Variants in EPHA3 observed in about 807,000 individuals in gnomAD.
EPHA3 encodes the protein ephrin type-A receptor 3.
Under a neutral mutation model 107.1 loss-of-function variants are expected in EPHA3, and 42 were observed. That is an observed-to-expected ratio of 0.39 (90% CI 0.31 to 0.51). The LOEUF (loss-of-function observed/expected upper bound fraction) is 0.51, where lower values mean the gene tolerates loss of function less well. Ranked by LOEUF, EPHA3 falls within the 20% of genes least tolerant of loss-of-function variation. The pLI is 0.78. For missense variants in EPHA3, 1,183 were observed against 1,211.2 expected, an observed-to-expected ratio of 0.98 and a Z score of 0.35; for synonymous variants, 461 against 424.8, an observed-to-expected ratio of 1.09 and a Z score of -1.05.
At chr3:89,115,171 C>G (rs1274387302) in intron 1 of EPHA3, among the ~76,000 whole-genome samples, 2 of 152,244 alleles carry the variant, frequency 1.3e-5, no homozygotes, top group African/African-American at 2.4e-5. Context: ...TGATTTCTAA[C>G]CCTATCCCTT....
At chr3:89,291,538 TA>T (rs1706206061) in intron 3 of EPHA3, among the ~76,000 whole-genome samples, 1 of 152,148 alleles carries the variant, frequency 6.6e-6, no homozygotes, top group Non-Finnish European at 1.5e-5. Context: ...AAACCTTCCA[TA>T]ATCATAAAAA....
At chr3:89,186,493 C>T (rs1437098863) in intron 2 of EPHA3, among the ~76,000 whole-genome samples, 9 of 152,126 alleles carry the variant, frequency 5.9e-5, no homozygotes, top group East Asian at 1.9e-4. Flanking sequence ...TCCACTGTCA[C>T]GAATTTCACT....
intron 3 of EPHA3, among the ~76,000 whole-genome samples, chr3:89,336,436 A>T (rs1187441733): frequency 6.6e-6 from 1 of 152,212 alleles, no homozygotes; most frequent in African/African-American, 2.4e-5. Context: ...ATTGAGCACA[A>T]GTTGATTTAC....
rs113561883 is a variant in EPHA3 at position 89,357,627 on chromosome 3, T to C, written c.1306+15537T>C. On this transcript the variant is annotated intron_variant, in intron 5 of 16. Coordinates refer to ENST00000336596, the MANE Select transcript of EPHA3 (RefSeq NM_005233.6). Reference sequence around the variant, plus strand: ...TACAGATTTTCAACATATCAAAGAATAACATTCTCTATTTCTGTTTCAAGT... The same window carrying C: ...TACAGATTTTCAACATATCAAAGAACAACATTCTCTATTTCTGTTTCAAGT... Among the ~76,000 whole-genome samples the C allele has an allele frequency of 3.6e-3, 543 of 151,432 alleles. 5 individuals are homozygous for C. The highest frequency in any genetic ancestry group is 0.013 in the African/African-American group (525 of 41,484).
chr3:89,239,591 A>G (rs1704848057), intron 3 of EPHA3, among the ~76,000 whole-genome samples: 1 of 152,226 alleles, frequency 6.6e-6, no homozygotes, highest in Admixed American at 6.5e-5. Flanking sequence ...TCATAGTAGC[A>G]TTTTAAAAAA....
In EPHA3 at chr3:89,136,330, C is replaced by CTTTTTTTTTTTTTTTTTT; in HGVS notation, c.153+9064_153+9081dup. Reference sequence around the variant, plus strand: ...GAAAAACATGGCAAAATCTTACAGGCTTTTTTTTTTTTTTTTTTTTTTTTG... The same window carrying CTTTTTTTTTTTTTTTTTT: ...GAAAAACATGGCAAAATCTTACAGGCTTTTTTTTTTTTTTTTTTTTTTTTTTTTTTTTTTTTTTTTTTG... On this transcript the variant is annotated intron_variant, in intron 2 of 16. Coordinates refer to ENST00000336596, the MANE Select transcript of EPHA3 (RefSeq NM_005233.6). 1.5e-3 allele frequency among the ~76,000 whole-genome samples: 34 copies of CTTTTTTTTTTTTTTTTTT among 23,384 alleles called. 7 individuals are homozygous for CTTTTTTTTTTTTTTTTTT. Among genetic ancestry groups the CTTTTTTTTTTTTTTTTTT allele is most frequent in the Admixed American group, 5.2e-3 (6 of 1,164 alleles). 15.3% of individuals were successfully genotyped at this position (23,384 alleles called of 152,430 possible). A position where few individuals can be genotyped will look rare whatever the true frequency, so the allele number is the denominator to read the frequency against.
At chr3:89,419,160 A>G (rs1182020352) in intron 10 of EPHA3, 45 bp from the exon 11 acceptor site, 7 of 1,512,372 alleles carry the variant, frequency 4.6e-6, no homozygotes, top group Non-Finnish European at 5.3e-6. Context: ...ATGAATTTTT[A>G]TTATAGAATT....
chr3:89,136,646 G>A (rs542977091), intron 2 of EPHA3, among the ~76,000 whole-genome samples: 16 of 151,672 alleles, frequency 1.1e-4, no homozygotes, highest in Non-Finnish European at 1.9e-4. Context: ...TGTAAGCTTA[G>A]TGGGATTTAA....
At chr3:89,169,987 G>T (rs1335797527) in intron 2 of EPHA3, among the ~76,000 whole-genome samples, 1 of 152,070 alleles carries the variant, frequency 6.6e-6, no homozygotes, top group African/African-American at 2.4e-5. Flanking sequence ...GGTGACTCAC[G>T]CCTGTAATCC....
At chr3:89,316,046 G>A (rs1365498104) in intron 3 of EPHA3, among the ~76,000 whole-genome samples, 1 of 151,692 alleles carries the variant, frequency 6.6e-6, no homozygotes, top group Non-Finnish European at 1.5e-5. Context: ...AAATGTAAAA[G>A]GCACTCCTTG....
At chr3:89,365,200 G>T (rs79198811) in intron 5 of EPHA3, among the ~76,000 whole-genome samples, 3,935 of 150,814 alleles carry the variant, frequency 0.026, 194 homozygotes, top group African/African-American at 0.09. Flanking sequence ...AAAAGGTAAA[G>T]AAGGGTTTAA....
chr3:89,122,050 G>T (rs1174180510), intron 1 of EPHA3, among the ~76,000 whole-genome samples: 1 of 152,112 alleles, frequency 6.6e-6, no homozygotes. Flanking sequence ...TGAGTACAAA[G>T]TTTATTTCTT....
At chr3:89,253,584 T>C (rs1705212652) in intron 3 of EPHA3, among the ~76,000 whole-genome samples, 1 of 152,176 alleles carries the variant, frequency 6.6e-6, no homozygotes, top group South Asian at 2.1e-4. Context: ...GTCAGTTGTC[T>C]AATTCTTGCA....
At chr3:89,122,977 AAG>A (rs1559741159) in intron 1 of EPHA3, among the ~76,000 whole-genome samples, 1 of 152,172 alleles carries the variant, frequency 6.6e-6, no homozygotes, top group African/African-American at 2.4e-5. Flanking sequence ...ATAGGAAAGG[AAG>A]AGAGAGGATG....
chr3:89,439,015 A>G (rs1709728588), intron 13 of EPHA3, among the ~76,000 whole-genome samples: 1 of 152,218 alleles, frequency 6.6e-6, no homozygotes, highest in South Asian at 2.1e-4. Context: ...AGGAGCACAC[A>G]AGTAAAGGCA....
At chr3:89,129,343 T>C (rs527634121) in intron 2 of EPHA3, among the ~76,000 whole-genome samples, 2 of 152,226 alleles carry the variant, frequency 1.3e-5, no homozygotes, top group Non-Finnish European at 2.9e-5. Flanking sequence ...TTCTGATGCA[T>C]AAAATAGCCT....
chr3:89,197,251 C>T (rs1705856947), intron 2 of EPHA3, among the ~76,000 whole-genome samples: 2 of 152,060 alleles, frequency 1.3e-5, no homozygotes, highest in Admixed American at 6.5e-5. Flanking sequence ...GCTTCATAAA[C>T]ATTTGTTTTA....
At chr3:89,207,634 T>C (rs1201420067) in intron 2 of EPHA3, among the ~76,000 whole-genome samples, 1 of 152,162 alleles carries the variant, frequency 6.6e-6, no homozygotes. Context: ...TAGTTAAAAG[T>C]GTTTAATGTC....
intron 1 of EPHA3, among the ~76,000 whole-genome samples, chr3:89,115,772 ATC>A (rs1707240589): frequency 6.6e-6 from 1 of 152,146 alleles, no homozygotes; most frequent in Non-Finnish European, 1.5e-5. Context: ...GAGAAAATGG[ATC>A]ATAATAAAGC....
Sources: gnomAD v4.1 joint callset for allele counts (sites outside exome capture counted in the v4.1 genomes callset) on GRCh38, gnomAD v4.1.1 for gene constraint, MANE v1.5 for transcripts, NCBI Gene and HGNC (gene_info 2026-07-23, HGNC 2026-07-21) for gene names.